RBM47: variants seen among roughly 807,000 people sequenced by gnomAD.
The protein encoded by RBM47 is RNA-binding protein 47.
Under a neutral mutation model 47.1 loss-of-function variants are expected in RBM47, and 21 were observed. The observed-to-expected ratio is 0.45, with a 90% confidence interval of 0.32 to 0.64. RBM47 has a LOEUF of 0.64. Among genes scored for constraint, RBM47 ranks in the 30% least tolerant of loss-of-function variants. The pLI is 0.05. For synonymous variants in RBM47, 375 were observed against 361.7 expected (o/e 1.04, Z -0.42); for missense variants, 708 against 870.9 (o/e 0.81, Z 2.35).
At chr4:40,518,036 C>T (rs1372097494) in intron 2 of RBM47, among the ~76,000 whole-genome samples, 1 of 150,652 alleles carries the variant, frequency 6.6e-6, no homozygotes, top group Admixed American at 6.6e-5. Flanking sequence ...AGTTGCTTTG[C>T]TTTTATTTAT....
intron 2 of RBM47, among the ~76,000 whole-genome samples, chr4:40,468,146 G>A (rs1718324165): frequency 6.6e-6 from 1 of 152,144 alleles, no homozygotes; most frequent in African/African-American, 2.4e-5. Context: ...AATTAGCTGG[G>A]TGCAGTGGTA....
chr4:40,432,791 CA>C lies in RBM47; in HGVS notation c.1401del (p.Asp467GlufsTer10). The C allele has an allele frequency of 6.2e-7, 1 of 1,613,866 alleles. No homozygotes were observed. Among genetic ancestry groups the C allele is most frequent in the Non-Finnish European group, 8.5e-7 (1 of 1,179,958 alleles). ...ATGTGCTCCACTGTGTGGATTTTGCCATCTTCAATCATTTTAGGGGCTGGAG... is the reference window on the plus strand; with the variant it reads ...ATGTGCTCCACTGTGTGGATTTTGCCTCTTCAATCATTTTAGGGGCTGGAG... ...PAAPAPKMIE[D>X]GKIHTVEHMI... On this transcript the variant is annotated frameshift_variant, in exon 6 of 7. Coordinates refer to ENST00000295971, the MANE Select transcript of RBM47 (RefSeq NM_001098634.2). LOFTEE classifies it high-confidence loss of function.
intron 1 of RBM47, among the ~76,000 whole-genome samples, chr4:40,554,869 C>G (rs1418498355): frequency 6.6e-6 from 1 of 151,110 alleles, no homozygotes; most frequent in Non-Finnish European, 1.5e-5. Flanking sequence ...TCAAGTGATT[C>G]TCCTGCCTCA....
At chr4:40,562,461 ATT>A (rs67887812) in intron 1 of RBM47, among the ~76,000 whole-genome samples, 41 of 113,736 alleles carry the variant, frequency 3.6e-4, no homozygotes, top group African/African-American at 7.9e-4. Flanking sequence ...ACTTCTCCCT[ATT>A]TTTTTTTTTT....
chr4:40,455,026 T>C (rs1716026075), intron 3 of RBM47, among the ~76,000 whole-genome samples: 1 of 152,150 alleles, frequency 6.6e-6, no homozygotes, highest in South Asian at 2.1e-4. Flanking sequence ...GAATTTCCAG[T>C]ACAGACACAT....
At chr4:40,430,962 T>C (rs1392573710) in intron 6 of RBM47, among the ~76,000 whole-genome samples, 1 of 152,080 alleles carries the variant, frequency 6.6e-6, no homozygotes, top group African/African-American at 2.4e-5. Flanking sequence ...TGCGTGTTTG[T>C]GGTCCCAACT....
At chr4:40,576,736 A>G (rs528359205) in intron 1 of RBM47, among the ~76,000 whole-genome samples, 2 of 152,146 alleles carry the variant, frequency 1.3e-5, no homozygotes, top group East Asian at 1.9e-4. Context: ...GCTCATTTCT[A>G]TTTTTGAAGT....
In RBM47 at chr4:40,466,671, A is replaced by G. The variant is rs546476149; in HGVS notation, c.-126T>C. ...CAGCTTCCTTGGGATTCCTCTGTTC[A>G]ATTTTTGCAGTGCCCTTTGAGGCAA... On this transcript the variant is annotated 5_prime_UTR_variant, in exon 3 of 7. An upstream open reading frame in the 5' UTR loses its in-frame stop. Coordinates refer to ENST00000295971, the MANE Select transcript of RBM47 (RefSeq NM_001098634.2). 1 of 149,622 alleles carries G rather than the reference A, an allele frequency of 6.7e-6. No individual in the cohort carries two copies. The highest frequency in any genetic ancestry group is 2.4e-5 in the African/African-American group (1 of 40,872). 9.3% of individuals were successfully genotyped at this position (149,622 alleles called of 1,614,324 possible). A position where few individuals can be genotyped will look rare whatever the true frequency, so the allele number is the denominator to read the frequency against.
intron 2 of RBM47, among the ~76,000 whole-genome samples, chr4:40,536,614 G>GC (rs1728008486): frequency 1.3e-5 from 2 of 152,202 alleles, no homozygotes; most frequent in South Asian, 4.1e-4. Flanking sequence ...AGGTAGACAG[G>GC]CCTCCTTTTG....
intron 2 of RBM47, among the ~76,000 whole-genome samples, chr4:40,485,863 C>A (rs1720992960): frequency 6.7e-6 from 1 of 149,294 alleles, no homozygotes; most frequent in Non-Finnish European, 1.5e-5. Flanking sequence ...AGTTTGAGAC[C>A]AGCCTGGGCA....
intron 1 of RBM47, among the ~76,000 whole-genome samples, chr4:40,588,126 C>T (rs1025989848): frequency 1.6e-4 from 25 of 152,282 alleles, no homozygotes; most frequent in African/African-American, 6.0e-4. Flanking sequence ...ACAGTTGCCA[C>T]ATAAAATAAA....
chr4:40,541,515 T>C (rs1023277919), intron 2 of RBM47, among the ~76,000 whole-genome samples: 1 of 152,066 alleles, frequency 6.6e-6, no homozygotes, highest in African/African-American at 2.4e-5. Context: ...GGTGGGTGGA[T>C]TCCCTGAGGT....
At chr4:40,585,441 C>G (rs575437867) in intron 1 of RBM47, among the ~76,000 whole-genome samples, 1 of 152,236 alleles carries the variant, frequency 6.6e-6, no homozygotes, top group Admixed American at 6.5e-5. Flanking sequence ...CAAAATCGCC[C>G]CATAAATATT....
intron 2 of RBM47, among the ~76,000 whole-genome samples, chr4:40,510,339 G>A (rs1435975283): frequency 1.3e-5 from 2 of 152,086 alleles, no homozygotes; most frequent in Admixed American, 6.6e-5. Context: ...CTGCCTGCCT[G>A]TAATCATCCC....
chr4:40,609,864 G>A (rs1257362007), intron 1 of RBM47, among the ~76,000 whole-genome samples: 1 of 151,674 alleles, frequency 6.6e-6, no homozygotes, highest in Admixed American at 6.6e-5. Context: ...GGAGGCTGAG[G>A]AGGGCAGATC....
intron 1 of RBM47, among the ~76,000 whole-genome samples, chr4:40,614,846 C>G (rs950082968): frequency 6.6e-6 from 1 of 151,846 alleles, no homozygotes; most frequent in Admixed American, 6.6e-5. Flanking sequence ...CACACATACA[C>G]AAAAGAGTCT....
At chr4:40,506,292 T>G (rs920214865) in intron 2 of RBM47, among the ~76,000 whole-genome samples, 9 of 152,202 alleles carry the variant, frequency 5.9e-5, no homozygotes, top group African/African-American at 1.9e-4. Context: ...AAATGCCACC[T>G]GGGACAATGT....
chr4:40,474,369 C>G (rs1003243096), intron 2 of RBM47, among the ~76,000 whole-genome samples: 1 of 152,134 alleles, frequency 6.6e-6, no homozygotes, highest in Non-Finnish European at 1.5e-5. Flanking sequence ...CCACCTCCCC[C>G]ACAGAGTCAT....
intron 2 of RBM47, among the ~76,000 whole-genome samples, chr4:40,514,175 T>C (rs376083): frequency 1 from 151,538 of 152,258 alleles, 75,418 homozygotes; most frequent in East Asian, 1. Context: ...AAGTGCAAAT[T>C]GCAAGGTTAC....
Sources: gnomAD v4.1 joint callset for allele counts (sites outside exome capture counted in the v4.1 genomes callset) on GRCh38, gnomAD v4.1.1 for gene constraint, MANE v1.5 for transcripts, NCBI Gene and HGNC (gene_info 2026-07-23, HGNC 2026-07-21) for gene names.